NSUN6: variants seen among roughly 807,000 people sequenced by gnomAD.
NSUN6 encodes NOP2/Sun RNA methyltransferase 6.
NSUN6 carries 64 observed loss-of-function variants against 58.0 expected under a neutral mutation model. The observed-to-expected ratio is 1.10, with a 90% CI of 0.90 to 1.36. NSUN6 has a LOEUF of 1.36. Among genes scored for constraint, NSUN6 ranks in the 40% most tolerant of loss-of-function variants. The pLI is 0.00. For missense variants in NSUN6, 701 were observed against 550.1 expected (o/e 1.27, Z -2.74); for synonymous variants, 231 against 193.9 (o/e 1.19, Z -1.59).
chr10:18,646,479 C>G (rs562901125), intron 2 of NSUN6, among the ~76,000 whole-genome samples: 2 of 152,052 alleles, frequency 1.3e-5, no homozygotes, highest in Admixed American at 6.5e-5. Flanking sequence ...CTGATCCTAG[C>G]CCATGGGATC....
At chr10:18,593,168 G>T (rs889590739) in intron 7 of NSUN6, among the ~76,000 whole-genome samples, 2 of 152,118 alleles carry the variant, frequency 1.3e-5, no homozygotes, top group Non-Finnish European at 2.9e-5. Context: ...ACCATCTCAC[G>T]CCAGTTTGAA....
At chr10:18,633,556 C>T (rs913054118) in intron 3 of NSUN6, among the ~76,000 whole-genome samples, 8 of 151,910 alleles carry the variant, frequency 5.3e-5, no homozygotes, top group African/African-American at 1.9e-4. Context: ...AGTTTCTCAG[C>T]AGGGTGTGGA....
chr10:18,620,712 C>T (rs1176567332), intron 3 of NSUN6, among the ~76,000 whole-genome samples: 1 of 152,212 alleles, frequency 6.6e-6, no homozygotes, highest in Non-Finnish European at 1.5e-5. Context: ...TGTACTCAGT[C>T]CTTCCTATTC....
intron 2 of NSUN6, among the ~76,000 whole-genome samples, chr10:18,643,779 T>C (rs1564844023): frequency 6.6e-6 from 1 of 152,246 alleles, no homozygotes; most frequent in South Asian, 2.1e-4. Context: ...ACTTTGATTT[T>C]TGTTTTGTTT....
chr10:18,566,247 C>T lies in NSUN6; in HGVS notation c.923-14276G>A, dbSNP rs139658898. On this transcript the variant is annotated intron_variant, in intron 8 of 10. Transcript: ENST00000377304. ...ATTCCATTCCGCAATCCATTCCATTCCACATTCCATTCCGTTCTCCATTCC... is the reference window on the plus strand; with the variant it reads ...ATTCCATTCCGCAATCCATTCCATTTCACATTCCATTCCGTTCTCCATTCC... Among the ~76,000 whole-genome samples the T allele has an allele frequency of 3.7e-3, 561 of 150,138 alleles. 5 individuals carry two copies. Among genetic ancestry groups the T allele is most frequent in the African/African-American group, 0.012 (513 of 41,056 alleles).
intron 9 of NSUN6, 175 bp downstream of exon 9, chr10:18,551,648 T>A: frequency 2.2e-6 from 1 of 462,946 alleles, no homozygotes. Flanking sequence ...GGCTGAATAA[T>A]GTTCCATGTA....
chr10:18,552,670 C>G (rs887647360), intron 8 of NSUN6, among the ~76,000 whole-genome samples: 9 of 151,486 alleles, frequency 5.9e-5, no homozygotes, highest in Admixed American at 2.6e-4. Flanking sequence ...ATTCCATTCT[C>G]CATTCCATTC....
chr10:18,645,058 T>A (rs1466821423), intron 2 of NSUN6, among the ~76,000 whole-genome samples: 1 of 147,684 alleles, frequency 6.8e-6, no homozygotes, highest in Non-Finnish European at 1.5e-5. Context: ...CTCAGGTGGC[T>A]GAGGCAGGAG....
At chr10:18,567,300 T>C (rs968521100) in intron 8 of NSUN6, among the ~76,000 whole-genome samples, 3 of 151,134 alleles carry the variant, frequency 2.0e-5, no homozygotes, top group Non-Finnish European at 1.5e-5. Context: ...TTCTATACCA[T>C]CCTCCATTCC....
intron 6 of NSUN6, among the ~76,000 whole-genome samples, chr10:18,601,453 T>C (rs1379166872): frequency 6.6e-6 from 1 of 152,074 alleles, no homozygotes; most frequent in Non-Finnish European, 1.5e-5. Context: ...GAACCGAGTG[T>C]TTCAGTGTAT....
chr10:18,560,284 TATGGAATGGAGA>T (rs959152267), intron 8 of NSUN6, among the ~76,000 whole-genome samples: 2 of 145,970 alleles, frequency 1.4e-5, no homozygotes, highest in Non-Finnish European at 3.0e-5. Context: ...TAGAGAATGG[TATGGAATGGAGA>T]ATGGAATAGA....
intron 3 of NSUN6, among the ~76,000 whole-genome samples, chr10:18,635,469 A>G (rs1166670945): frequency 1.3e-5 from 2 of 152,182 alleles, no homozygotes; most frequent in African/African-American, 4.8e-5. Context: ...GAATACAGAA[A>G]AGGTAAGAAA....
chr10:18,652,202 A>T, upstream of NSUN6: 1 of 985,234 alleles, frequency 1.0e-6, no homozygotes, highest in Non-Finnish European at 1.2e-6. Flanking sequence ...TAGAGTTTGG[A>T]AGACCCTCGC....
At chr10:18,550,280 C>T (rs193196929) in intron 9 of NSUN6, among the ~76,000 whole-genome samples, 30 of 152,302 alleles carry the variant, frequency 2.0e-4, no homozygotes, top group African/African-American at 7.0e-4. Flanking sequence ...TTGCTGCTTG[C>T]TGTTTTAATT....
chr10:18,633,173 G>A (rs1442034700), intron 3 of NSUN6, among the ~76,000 whole-genome samples: 1 of 150,910 alleles, frequency 6.6e-6, no homozygotes, highest in Non-Finnish European at 1.5e-5. Flanking sequence ...ACCAAACACC[G>A]CATATTCTCA....
chr10:18,607,735 G>A (rs902704276), intron 6 of NSUN6, among the ~76,000 whole-genome samples: 2 of 152,216 alleles, frequency 1.3e-5, no homozygotes, highest in Admixed American at 1.3e-4. Context: ...GCATTGGCAT[G>A]GGGCCAAGAA....
chr10:18,650,455 AT>A (rs1271774496), intron 1 of NSUN6, among the ~76,000 whole-genome samples: 1 of 152,218 alleles, frequency 6.6e-6, no homozygotes, highest in Non-Finnish European at 1.5e-5. Flanking sequence ...CTGGCAAGAT[AT>A]TTTTAACCAT....
intron 6 of NSUN6, among the ~76,000 whole-genome samples, chr10:18,596,993 G>C (rs1429376140): frequency 6.6e-6 from 1 of 151,994 alleles, no homozygotes; most frequent in African/African-American, 2.4e-5. Context: ...CACCCAAAAG[G>C]CATGTTTGGG....
rs1456201863 is a variant in NSUN6, at chr10:18,610,023, G to C, written c.576-97C>G. 9 of 764,462 alleles carry C rather than the reference G, an allele frequency of 1.2e-5. No homozygotes were observed. In the East Asian group the frequency reaches 1.3e-4, roughly 11 times the overall value. 47.4% of individuals were successfully genotyped at this position (764,462 alleles called of 1,614,324 possible). The stretch of plus-strand genomic sequence containing the variant: ...TTCTCCAATAGCCTGTCAAACATAA[G>C]ATGCTCTATCTTTTTAAGAACTATT... On this transcript the variant is annotated intron_variant, in intron 5 of 10. Coordinates refer to ENST00000377304, the MANE Select transcript of NSUN6 (RefSeq NM_182543.5).
Sources: allele counts gnomAD v4.1 joint callset (sites outside exome capture counted in the v4.1 genomes callset), GRCh38; gene constraint gnomAD v4.1.1; transcripts MANE v1.5; gene names NCBI Gene and HGNC (gene_info 2026-07-23, HGNC 2026-07-21).